GPC5: variants seen among roughly 807,000 people sequenced by gnomAD.
GPC5 encodes glypican 5, also known as glypican-5.
A neutral mutation model predicts 53.9 loss-of-function variants in GPC5; 47 were observed. The observed-to-expected ratio is 0.87, with a 90% CI of 0.69 to 1.11. The LOEUF (loss-of-function observed/expected upper bound fraction) is 1.11. Ranked by LOEUF, GPC5 falls within the 50% of genes most tolerant of loss-of-function variation. The probability of loss-of-function intolerance (pLI) is 0.00; values close to 1 mark genes in which losing one functional copy is unlikely to be tolerated. For missense variants in GPC5, 748 were observed against 713.1 expected (o/e 1.05, Z -0.56); for synonymous variants, 286 against 263.3 (o/e 1.09, Z -0.84).
intron 7 of GPC5, among the ~76,000 whole-genome samples, chr13:92,730,475 AT>A (rs1043231919): frequency 1.1e-4 from 16 of 151,004 alleles, no homozygotes; most frequent in African/African-American, 3.9e-4. Flanking sequence ...GCTCATCTAG[AT>A]TTTTTTCCTG....
At chr13:91,728,947 G>A (rs891230420) in intron 4 of GPC5, among the ~76,000 whole-genome samples, 8 of 152,076 alleles carry the variant, frequency 5.3e-5, no homozygotes, top group African/African-American at 1.2e-4. Flanking sequence ...GACATCATAC[G>A]CTTAAAATGT....
rs149525020 is a variant in GPC5, at chr13:92,484,274, A to G, written c.1561+339285A>G. ...CATGGAGCTGTCATCATGTATGATA[A>G]CAACGACTCTTGGAATAACTTCTGA... is the stretch of plus-strand genomic sequence containing the variant. On this transcript the variant is annotated intron_variant, in intron 7 of 7. Coordinates refer to ENST00000377067, the MANE Select transcript of GPC5 (RefSeq NM_004466.6). Among the ~76,000 whole-genome samples the G allele has an allele frequency of 7.1e-3, 1,076 of 152,310 alleles. 4 individuals carry two copies. The highest frequency in any genetic ancestry group is 0.012 in the Non-Finnish European group (794 of 68,028).
At chr13:92,589,856 T>G (rs996402835) in intron 7 of GPC5, among the ~76,000 whole-genome samples, 1 of 152,184 alleles carries the variant, frequency 6.6e-6, no homozygotes, top group African/African-American at 2.4e-5. Context: ...CTTAAGTCAA[T>G]CGAAATGATA....
intron 5 of GPC5, among the ~76,000 whole-genome samples, chr13:91,775,071 G>T (rs955864990): frequency 2.0e-5 from 3 of 152,168 alleles, no homozygotes; most frequent in Admixed American, 1.3e-4. Context: ...AGAGAAAGGA[G>T]TTCTAGTTAA....
At chr13:92,210,641 T>C (rs898168558) in intron 7 of GPC5, among the ~76,000 whole-genome samples, 40 of 152,204 alleles carry the variant, frequency 2.6e-4, no homozygotes, top group African/African-American at 9.6e-4. Context: ...AAAATATTCA[T>C]AACAGTTAAG....
rs192154155 is a variant in GPC5, at chr13:91,398,890, C to T, written c.-157C>T. 7.7e-4 allele frequency: 643 copies of T among 835,850 alleles called. 3 individuals are homozygous for T. The African/African-American group carries it at 0.01, about 13-fold the overall frequency. 51.8% of individuals were successfully genotyped at this position (835,850 alleles called of 1,614,324 possible). On this transcript the variant is annotated 5_prime_UTR_variant, in exon 1 of 8. Coordinates refer to ENST00000377067, the MANE Select transcript of GPC5 (RefSeq NM_004466.6). ...TCCTCCGGGAAGAGCTAACTGCTCC[C>T]AGGTGAAGCCGGTGCCCGCGGGCGG... is the stretch of plus-strand genomic sequence containing the variant.
chr13:92,013,866 A>G lies in GPC5; in HGVS notation c.1401+105809A>G, dbSNP rs1318383616. 2.6e-5 allele frequency among the ~76,000 whole-genome samples: 4 copies of G among 152,164 alleles called. No homozygotes were observed. The East Asian group carries it at 7.7e-4, about 29-fold the overall frequency. On this transcript the variant is annotated intron_variant, in intron 6 of 7. Transcript: ENST00000377067. Reference sequence around the variant, plus strand: ...AGTTCAGAAAAACCTATAAATTGTCATATAAAGCTTCATAAATCAAAATTA... The same window carrying G: ...AGTTCAGAAAAACCTATAAATTGTCGTATAAAGCTTCATAAATCAAAATTA...
At chr13:92,230,970 A>T (rs976008313) in intron 7 of GPC5, among the ~76,000 whole-genome samples, 1 of 152,220 alleles carries the variant, frequency 6.6e-6, no homozygotes, top group East Asian at 1.9e-4. Context: ...TACAGGATAA[A>T]TGCAAAGGCA....
At chr13:92,625,418 T>C (rs1396685504) in intron 7 of GPC5, among the ~76,000 whole-genome samples, 2 of 152,170 alleles carry the variant, frequency 1.3e-5, no homozygotes, top group African/African-American at 2.4e-5. Context: ...TGAAAACTGA[T>C]TAATGATGAA....
intron 7 of GPC5, among the ~76,000 whole-genome samples, chr13:92,650,132 T>A (rs1464833780): frequency 1.3e-5 from 2 of 152,148 alleles, no homozygotes; most frequent in Non-Finnish European, 2.9e-5. Flanking sequence ...TTTTTCATTT[T>A]TCACTGAGTA....
At chr13:91,674,239 C>T (rs965072496) in intron 2 of GPC5, among the ~76,000 whole-genome samples, 1 of 151,856 alleles carries the variant, frequency 6.6e-6, no homozygotes, top group Admixed American at 6.6e-5. Context: ...TCTTTGAAGG[C>T]GTTTCTAAAT....
chr13:92,356,900 C>G (rs1594129114), intron 7 of GPC5, among the ~76,000 whole-genome samples: 1 of 152,254 alleles, frequency 6.6e-6, no homozygotes, highest in East Asian at 1.9e-4. Flanking sequence ...GTCTTTTGTT[C>G]CCCATGGTCT....
At chr13:91,642,530 A>C (rs1594370216) in intron 2 of GPC5, among the ~76,000 whole-genome samples, 2 of 152,268 alleles carry the variant, frequency 1.3e-5, no homozygotes, top group East Asian at 3.9e-4. Flanking sequence ...TGATGAGATC[A>C]ACATTGTCAG....
intron 6 of GPC5, among the ~76,000 whole-genome samples, chr13:92,108,887 G>A (rs546346601): frequency 3.3e-5 from 5 of 152,000 alleles, no homozygotes; most frequent in South Asian, 2.1e-4. Context: ...AATAGCCATC[G>A]TATGTAAATT....
intron 7 of GPC5, among the ~76,000 whole-genome samples, chr13:92,411,326 T>G (rs985662598): frequency 7.9e-5 from 12 of 152,198 alleles, no homozygotes; most frequent in Admixed American, 3.9e-4. Context: ...CTAAGTTTTC[T>G]CTAACATTAT....
At chr13:92,566,383 T>A (rs1208881152) in intron 7 of GPC5, among the ~76,000 whole-genome samples, 4 of 152,138 alleles carry the variant, frequency 2.6e-5, no homozygotes, top group Non-Finnish European at 4.4e-5. Flanking sequence ...TACATTTTAA[T>A]ATCTTTAAAG....
chr13:91,643,846 A>G (rs1368785783), intron 2 of GPC5, among the ~76,000 whole-genome samples: 3 of 152,126 alleles, frequency 2.0e-5, no homozygotes, highest in Admixed American at 2.0e-4. Flanking sequence ...CATTACACTC[A>G]TATGATCTCA....
At chr13:91,492,943 C>T (rs535572971) in intron 2 of GPC5, among the ~76,000 whole-genome samples, 1 of 152,220 alleles carries the variant, frequency 6.6e-6, no homozygotes, top group African/African-American at 2.4e-5. Context: ...ACCTCTTTCC[C>T]CCCAGTGCTT....
At chr13:91,540,629 T>TAAAG (rs2029880757) in intron 2 of GPC5, among the ~76,000 whole-genome samples, 1 of 152,198 alleles carries the variant, frequency 6.6e-6, no homozygotes, top group African/African-American at 2.4e-5. Flanking sequence ...TATACTTCAA[T>TAAAG]AAAGCAGTTA....
Sources: gnomAD v4.1 joint callset for allele counts (sites outside exome capture counted in the v4.1 genomes callset) on GRCh38, gnomAD v4.1.1 for gene constraint, MANE v1.5 for transcripts, NCBI Gene and HGNC (gene_info 2026-07-23, HGNC 2026-07-21) for gene names.